The following CSTF2T variants were observed in gnomAD, a reference collection of about 807,000 sequenced individuals.
CSTF2T encodes the protein cleavage stimulation factor subunit 2 tau variant.
Under a neutral mutation model 39.9 loss-of-function variants are expected in CSTF2T, and 18 were observed. The ratio of observed to expected loss-of-function variants is 0.45; its 90% confidence interval spans 0.31 to 0.67. CSTF2T has a LOEUF of 0.67. Among genes scored for constraint, CSTF2T ranks in the 30% least tolerant of loss-of-function variants. The pLI, the probability that CSTF2T is intolerant of heterozygous loss-of-function variation, is 0.06. For synonymous variants in CSTF2T, 291 were observed against 276.4 expected (o/e 1.05, Z -0.52); for missense variants, 681 against 789.0 (o/e 0.86, Z 1.64).
In CSTF2T at chr10:51,698,164, G is replaced by A. The variant is rs760153053; in HGVS notation, c.1386C>T (p.Gly462=). ...TAGGGCCTCTTGAACTGGGGACAGG[G>A]CCCCTCATCTCCAATCCTCTTGCAT... ...GMDARGLEMR[G]PVPSSRGPMT... The change falls in exon 1 of 1, where the codon GGC becomes GGT. Residue 462 remains glycine, a synonymous_variant. Coordinates refer to ENST00000331173, the MANE Select transcript of CSTF2T (RefSeq NM_015235.3). 6.2e-7 allele frequency: 1 copy of A among 1,614,054 alleles called. No homozygotes were observed. Among genetic ancestry groups the A allele is most frequent in the East Asian group, 2.2e-5 (1 of 44,868 alleles).
In CSTF2T at chr10:51,698,607, G is replaced by A. The variant is rs780784445; in HGVS notation, c.943C>T (p.Pro315Ser). ...CCACCAGGAGTCACGGGTCCGCGAG[G>A]TATAGGAGCTCTAGGATCTGACATC... Reference protein sequence around the residue: ...VQMSDPRAPIPRGPVTPGGLP... With the variant: ...VQMSDPRAPISRGPVTPGGLP... The change falls in exon 1 of 1, where the codon CCT becomes TCT. Residue 315 changes from proline (P) to serine (S), a missense_variant. Physicochemically the swap from Pro to Ser is moderately conservative, Grantham distance 74. This residue lies in a region of CSTF2T where 329 missense variants were observed against 344.1 expected (regional missense o/e 0.96). Coordinates refer to ENST00000331173, the MANE Select transcript of CSTF2T (RefSeq NM_015235.3). 2.5e-6 allele frequency: 4 copies of A among 1,613,902 alleles called. No individual in the cohort carries two copies. Among genetic ancestry groups the A allele is most frequent in the South Asian group, 2.2e-5 (2 of 91,080 alleles).
At position 51,697,521 on chromosome 10, in the gene CSTF2T, C is replaced by G. The variant is rs1841328650; in HGVS notation, c.*178G>C. On this transcript the variant is annotated 3_prime_UTR_variant, in exon 1 of 1. Transcript: ENST00000331173. ...CAGACGCACTCCCTCCTCCCCCCAC[C>G]CTCAATTAAAAAAAAAAGGAAAACA... The G allele has an allele frequency of 1.6e-6, 1 of 638,510 alleles. No homozygotes were observed. The highest frequency in any genetic ancestry group is 2.8e-5 in the East Asian group (1 of 35,796). The allele number at this position is 638,510 out of a possible 1,614,324, so 39.6% of individuals were successfully genotyped here.
rs1228377004 is a variant in CSTF2T at position 51,698,439 on chromosome 10, C to G, written c.1111G>C (p.Asp371His). The change falls in exon 1 of 1, where the codon GAC (aspartate) becomes CAC (histidine). Residue 371 changes from aspartate to histidine, a missense_variant. Physicochemically the swap from Asp to His is moderately conservative, Grantham distance 81. This residue lies in a region of CSTF2T where 329 missense variants were observed against 344.1 expected (regional missense o/e 0.96). Transcript: ENST00000331173. ...GPPMHHASGH[D>H]TRGPSSHEMR... is the part of the protein sequence containing the mutation. ...TCATGTGAGGAAGGGCCACGAGTGT[C>G]ATGACCAGAGGCATGATGCATGGGG... The G allele has an allele frequency of 1.2e-6, 2 of 1,614,152 alleles. No homozygotes were observed. The highest frequency in any genetic ancestry group is 2.7e-5 in the African/African-American group (2 of 75,042).
In CSTF2T at chr10:51,698,067, C is replaced by G. The variant is rs757607894; in HGVS notation, c.1483G>C (p.Val495Leu). Residue 495 changes from valine to leucine, a missense_variant, in exon 1 of 1, where the codon GTC becomes CTC. Around this residue, in one of 4 missense-constraint regions of CSTF2T, gnomAD observed 282 missense variants for 289.2 expected, o/e 0.98. Transcript: ENST00000331173. ...TTCCCCACCCCTGAAATGCCTGGGA[C>G]CTGTCTGGGTCCCTGAGGAGGGCCA... The part of the protein sequence containing the change: ...AGGPPQGPRQ[V>L]PGISGVGNPG... 3 of 1,613,960 alleles carry G rather than the reference C, an allele frequency of 1.9e-6. No individual in the cohort carries two copies. The highest frequency in any genetic ancestry group is 2.7e-5 in the African/African-American group (2 of 74,878).
Position 51,697,690 on chromosome 10 carries a change from T to G in CSTF2T, c.*9A>C. On this transcript the variant is annotated 3_prime_UTR_variant, in exon 1 of 1. Coordinates refer to ENST00000331173, the MANE Select transcript of CSTF2T (RefSeq NM_015235.3). ...TTTGAGACTACAGCCAAATATTTTC[T>G]AAAACCTTTCAAGACGCTCCAGTGG... 1 of 1,613,360 alleles carries G rather than the reference T, an allele frequency of 6.2e-7. No individual in the cohort carries two copies. Among genetic ancestry groups the G allele is most frequent in the East Asian group, 2.2e-5 (1 of 44,876 alleles).
rs1841326598 is a variant in CSTF2T, at chr10:51,697,481, G to A, written c.*218C>T. The A allele has an allele frequency of 1.8e-6, 1 of 556,588 alleles. No individual in the cohort carries two copies. The highest frequency in any genetic ancestry group is 3.2e-6 in the Non-Finnish European group (1 of 316,820). 34.5% of individuals were successfully genotyped at this position (556,588 alleles called of 1,614,324 possible). On this transcript the variant is annotated 3_prime_UTR_variant, in exon 1 of 1. Coordinates refer to ENST00000331173, the MANE Select transcript of CSTF2T (RefSeq NM_015235.3). ...TAATCATGTTCAGAGTTATTTTAAA[G>A]TAACTTAAAGTGAACAGACGCACTC... is the stretch of plus-strand genomic sequence containing the variant.
In CSTF2T at chr10:51,698,775, G is replaced by A. The variant is rs766752877; in HGVS notation, c.775C>T (p.Gln259Ter). The change falls in exon 1 of 1, where the codon CAG becomes TAG. Residue 259 changes from glutamine (Q) to a stop codon, truncating the protein, a stop_gained. Transcript: ENST00000331173. LOFTEE classifies it high-confidence loss of function. ...GGCCCTGGAGCTGGAATTCCACCCT[G>A]GATAGGAGTCTGCATCAGAGGAGGA... ...DIPPLMQTPI[Q>*]GGIPAPGPIP... 6.2e-7 allele frequency: 1 copy of A among 1,614,162 alleles called. No homozygotes were observed. The highest frequency in any genetic ancestry group is 8.5e-7 in the Non-Finnish European group (1 of 1,180,034).
rs768186402 is a variant in CSTF2T at position 51,698,897 on chromosome 10, C to CCAGGGA, written c.652_653insTCCCTG (p.Pro217_Gly218insValPro). 3 of 1,611,868 alleles carry CCAGGGA rather than the reference C, an allele frequency of 1.9e-6. No homozygotes were observed. The South Asian group carries it at 3.3e-5, about 18-fold the overall frequency. On this transcript the variant is annotated inframe_insertion, in exon 1 of 1. Transcript: ENST00000331173. ...ATTAGGTCCTGGGCAGAGCCCAGGGCCAGGGCCAGGGCCAGGGCCAGAGAC... is the reference window on the plus strand; with the variant it reads ...ATTAGGTCCTGGGCAGAGCCCAGGGCCAGGGACAGGGCCAGGGCCAGGGCCAGAGAC...
chr10:51,697,948 T>C lies in CSTF2T; in HGVS notation c.1602A>G (p.Gln534=). 1 of 1,598,748 alleles carries C rather than the reference T, an allele frequency of 6.3e-7. No homozygotes were observed. Among genetic ancestry groups the C allele is most frequent in the Non-Finnish European group, 8.5e-7 (1 of 1,172,478 alleles). Residue 534 remains glutamine (Q), a synonymous_variant, in exon 1 of 1, where the codon CAA becomes CAG. Transcript: ENST00000331173. ...TACCTCCTCCTTGTATACTGACTCC[T>C]TGTATGCCTGCCCCCTGCATCCCTC... ...QGGGMQGAGI[Q]GVSIQGGGIQ...
chr10:51,699,568 A>G lies in CSTF2T; in HGVS notation c.-19T>C, dbSNP rs935159241. ...TCGACATGATTCCGGTTGTGCAGAC[A>G]GCCGATAGCGGATTCTTCGAGGCGT... On this transcript the variant is annotated 5_prime_UTR_variant, in exon 1 of 1. Transcript: ENST00000331173. 1.3e-6 allele frequency: 2 copies of G among 1,591,522 alleles called. No individual in the cohort carries two copies. Among genetic ancestry groups the G allele is most frequent in the East Asian group, 2.2e-5 (1 of 44,750 alleles).
rs1841305685 is a variant in CSTF2T at position 51,696,819 on chromosome 10, A to C, written c.*880T>G. On this transcript the variant is annotated 3_prime_UTR_variant, in exon 1 of 1. Coordinates refer to ENST00000331173, the MANE Select transcript of CSTF2T (RefSeq NM_015235.3). ...ACTTATGAAAAGTCAAATACCATTT[A>C]TAACTCATCTAGATCAACCAGTCCC... is the stretch of plus-strand genomic sequence containing the variant. The C allele has an allele frequency of 6.6e-6, 1 of 152,200 alleles. No homozygotes were observed. The highest frequency in any genetic ancestry group is 1.9e-4 in the East Asian group (1 of 5,194). 9.4% of individuals were successfully genotyped at this position (152,200 alleles called of 1,614,324 possible).
In CSTF2T at chr10:51,697,836, G is replaced by C. The variant is rs377153752; in HGVS notation, c.1714C>G (p.Gln572Glu). The C allele has an allele frequency of 2.2e-5, 35 of 1,614,046 alleles. No homozygotes were observed. The highest frequency in any genetic ancestry group is 2.7e-5 in the African/African-American group (2 of 74,926). ...FSPGQSQVTP[Q>E]DQEKAALIMQ... ...ATCAAAGCTGCCTTCTCCTGATCCT[G>C]TGGAGTGACCTGGCTCTGCCCAGGA... is the stretch of plus-strand genomic sequence containing the variant. Residue 572 changes from glutamine (Q) to glutamate (E), a missense_variant, in exon 1 of 1, where the codon CAG becomes GAG. By Grantham distance (29) the Gln-to-Glu change is conservative. Coordinates refer to ENST00000331173, the MANE Select transcript of CSTF2T (RefSeq NM_015235.3).
chr10:51,698,595 C>T lies in CSTF2T; in HGVS notation c.955G>A (p.Val319Met), dbSNP rs1841371730. The T allele has an allele frequency of 6.2e-7, 1 of 1,613,844 alleles. No individual in the cohort carries two copies. Among genetic ancestry groups the T allele is most frequent in the East Asian group, 2.2e-5 (1 of 44,872 alleles). ...CGAGGAGGCAGACCACCAGGAGTCA[C>T]GGGTCCGCGAGGTATAGGAGCTCTA... is the stretch of plus-strand genomic sequence containing the variant. ...DPRAPIPRGPVTPGGLPPRGL... is the reference protein window; with the variant it reads ...DPRAPIPRGPMTPGGLPPRGL... The change falls in exon 1 of 1, where the codon GTG becomes ATG. Residue 319 changes from valine to methionine, a missense_variant. Coordinates refer to ENST00000331173, the MANE Select transcript of CSTF2T (RefSeq NM_015235.3).
Position 51,698,706 on chromosome 10 carries a change from G to T in CSTF2T, c.844C>A (p.Pro282Thr), listed in dbSNP as rs573214790. ...AGTTGGGGCTGCATTGCTCCTCCAG[G>T]AGTTAAGGAACCAGGACCAGCTCCG... ...VPGAGPGSLT[P>T]GGAMQPQLGM... The change falls in exon 1 of 1, where the codon CCT becomes ACT. Residue 282 changes from proline to threonine, a missense_variant. By Grantham distance (38) the Pro-to-Thr change is conservative (BLOSUM62 -1). Around this residue, in one of 4 missense-constraint regions of CSTF2T, gnomAD observed 329 missense variants for 344.1 expected, o/e 0.96. Coordinates refer to ENST00000331173, the MANE Select transcript of CSTF2T (RefSeq NM_015235.3). 5.6e-6 allele frequency: 9 copies of T among 1,614,212 alleles called. No homozygotes were observed. The highest frequency in any genetic ancestry group is 7.6e-6 in the Non-Finnish European group (9 of 1,180,036).
In CSTF2T at chr10:51,699,101, CAG is replaced by C; in HGVS notation, c.447_448del (p.Val151ProfsTer75). The C allele has an allele frequency of 6.2e-7, 1 of 1,614,190 alleles. No homozygotes were observed. Among genetic ancestry groups the C allele is most frequent in the Middle Eastern group, 1.7e-4 (1 of 6,060 alleles). On this transcript the variant is annotated frameshift_variant, in exon 1 of 1. Transcript: ENST00000331173. LOFTEE classifies it high-confidence loss of function. The stretch of plus-strand genomic sequence containing the variant: ...AGCTTCCTGGTGGCTGTTTTGGACA[CAG>C]AGCTTCATCTGCTTCATCAGCTCAA...
At position 51,698,287 on chromosome 10, in the gene CSTF2T, A is replaced by C; in HGVS notation, c.1263T>G (p.Arg421=). The part of the protein sequence containing the change: ...GGRDSRAMET[R]AMETEVLETR... ...TCTCTAAGACCTCAGTTTCCATGGC[A>C]CGAGTCTCCATCGCTCGAGAATCTC... The change falls in exon 1 of 1, where the codon CGT becomes CGG. Residue 421 remains arginine (R), a synonymous_variant. Coordinates refer to ENST00000331173, the MANE Select transcript of CSTF2T (RefSeq NM_015235.3). 1.2e-6 allele frequency: 2 copies of C among 1,613,690 alleles called. No homozygotes were observed. The highest frequency in any genetic ancestry group is 1.7e-6 in the Non-Finnish European group (2 of 1,179,940).
chr10:51,698,688 G>T lies in CSTF2T; in HGVS notation c.862C>A (p.Pro288Thr), dbSNP rs573408912. 2.2e-5 allele frequency: 36 copies of T among 1,614,218 alleles called. No homozygotes were observed. The African/African-American group carries it at 2.9e-4, about 13-fold the overall frequency. ...GSLTPGGAMQPQLGMPGVGPV... is the reference protein window; with the variant it reads ...GSLTPGGAMQTQLGMPGVGPV... ...CCAACCCCTGGCATTCCAAGTTGGG[G>T]CTGCATTGCTCCTCCAGGAGTTAAG... The change falls in exon 1 of 1, where the codon CCC (proline) becomes ACC (threonine). Residue 288 changes from proline to threonine, a missense_variant. Pro to Thr is a conservative substitution (Grantham distance 38). Coordinates refer to ENST00000331173, the MANE Select transcript of CSTF2T (RefSeq NM_015235.3).
rs546061300 is a variant in CSTF2T, at chr10:51,695,857, T to C, written c.*1842A>G. 1.2e-4 allele frequency: 19 copies of C among 152,306 alleles called. 1 individual carries two copies. In the South Asian group the frequency reaches 2.1e-3, roughly 17 times the overall value. The allele number at this position is 152,306 out of a possible 1,614,324, so 9.4% of individuals were successfully genotyped here. On this transcript the variant is annotated 3_prime_UTR_variant, in exon 1 of 1. Transcript: ENST00000331173. ...ACTCAATTTCTACATTTTCAGCTCT[T>C]TGTATTAAACATTTTTTCATCTGTA... is the stretch of plus-strand genomic sequence containing the variant.
At position 51,697,498 on chromosome 10, in the gene CSTF2T, G is replaced by A; in HGVS notation, c.*201C>T. ...ATTTTAAAGTAACTTAAAGTGAACAGACGCACTCCCTCCTCCCCCCACCCT... is the reference window on the plus strand; with the variant it reads ...ATTTTAAAGTAACTTAAAGTGAACAAACGCACTCCCTCCTCCCCCCACCCT... On this transcript the variant is annotated 3_prime_UTR_variant, in exon 1 of 1. Coordinates refer to ENST00000331173, the MANE Select transcript of CSTF2T (RefSeq NM_015235.3). 6.7e-6 allele frequency: 4 copies of A among 595,092 alleles called. No homozygotes were observed. The highest frequency in any genetic ancestry group is 1.2e-5 in the Non-Finnish European group (4 of 339,634). 36.9% of individuals were successfully genotyped at this position (595,092 alleles called of 1,614,324 possible).
Sources: allele counts gnomAD v4.1 joint callset, GRCh38; gene constraint gnomAD v4.1.1; regional missense constraint gnomAD v4.1.1; transcripts MANE v1.5; gene names NCBI Gene and HGNC (gene_info 2026-07-23, HGNC 2026-07-21).